The following TMEM178B variants were observed in gnomAD, a reference collection of about 807,000 sequenced individuals.
The protein encoded by TMEM178B is transmembrane protein 178B.
TMEM178B carries 5 observed loss-of-function variants against 31.0 expected under a neutral mutation model. The ratio of observed to expected loss-of-function variants is 0.16; its 90% confidence interval spans 0.08 to 0.34. The LOEUF is 0.34. Ranked by LOEUF, TMEM178B falls within the 10% of genes least tolerant of loss-of-function variation. The pLI is 1.00. For synonymous variants in TMEM178B, 164 were observed against 164.0 expected, an observed-to-expected ratio of 1.00 and a Z score of 0.00; for missense variants, 275 against 400.3, an observed-to-expected ratio of 0.69 and a Z score of 2.67.
intron 2 of TMEM178B, among the ~76,000 whole-genome samples, chr7:141,245,521 T>C (rs528707188): frequency 6.6e-6 from 1 of 152,236 alleles, no homozygotes; most frequent in Non-Finnish European, 1.5e-5. Context: ...AAGTCTCCGA[T>C]AGTCTGTTGA....
intron 1 of TMEM178B, among the ~76,000 whole-genome samples, chr7:141,134,088 A>C (rs1384385179): frequency 6.6e-6 from 1 of 152,100 alleles, no homozygotes. Context: ...TAAAAACATT[A>C]GGTGGACATG....
At chr7:141,367,241 G>A (rs1269260483) in intron 2 of TMEM178B, among the ~76,000 whole-genome samples, 2 of 151,784 alleles carry the variant, frequency 1.3e-5, no homozygotes, top group African/African-American at 2.4e-5. Flanking sequence ...GGGTGGGAAG[G>A]TACTCCATTC....
At chr7:141,105,177 A>T (rs75886032) in intron 1 of TMEM178B, among the ~76,000 whole-genome samples, 13 of 152,166 alleles carry the variant, frequency 8.5e-5, no homozygotes, top group South Asian at 6.2e-4. Context: ...CTGTCATTGT[A>T]TGAGCAAACC....
intron 2 of TMEM178B, among the ~76,000 whole-genome samples, chr7:141,289,368 T>C (rs1798504451): frequency 6.6e-6 from 1 of 152,142 alleles, no homozygotes. Context: ...CTGGCATATA[T>C]TATCATGACC....
intron 2 of TMEM178B, among the ~76,000 whole-genome samples, chr7:141,350,500 A>C (rs1432782257): frequency 1.3e-5 from 2 of 152,188 alleles, no homozygotes; most frequent in Non-Finnish European, 2.9e-5. Flanking sequence ...AACATGAATA[A>C]ATAAATGAAG....
At chr7:141,285,578 G>GCAAT (rs1171300753) in intron 2 of TMEM178B, among the ~76,000 whole-genome samples, 3 of 151,966 alleles carry the variant, frequency 2.0e-5, no homozygotes, top group Non-Finnish European at 4.4e-5. Context: ...ATTTGACCCA[G>GCAAT]CAATCCTATT....
At chr7:141,084,956 G>A (rs1027505990) in intron 1 of TMEM178B, among the ~76,000 whole-genome samples, 12 of 151,570 alleles carry the variant, frequency 7.9e-5, no homozygotes, top group African/African-American at 2.7e-4. Context: ...TCGGCTCATC[G>A]CAACCTCCGC....
intron 2 of TMEM178B, among the ~76,000 whole-genome samples, chr7:141,263,251 C>G (rs1233368579): frequency 6.6e-6 from 1 of 152,166 alleles, no homozygotes; most frequent in African/African-American, 2.4e-5. Flanking sequence ...CTGAGCATTC[C>G]TCTGGCTCCT....
At chr7:141,114,126 A>G (rs998136414) in intron 1 of TMEM178B, among the ~76,000 whole-genome samples, 4 of 152,348 alleles carry the variant, frequency 2.6e-5, no homozygotes, top group Admixed American at 2.6e-4. Flanking sequence ...AAATGTTTGC[A>G]TTGATTCTAT....
chr7:141,177,802 TCCTTCATCC>T (rs1796457994), intron 1 of TMEM178B, among the ~76,000 whole-genome samples: 1 of 152,208 alleles, frequency 6.6e-6, no homozygotes, highest in African/African-American at 2.4e-5. Flanking sequence ...TGGTAAATAT[TCCTTCATCC>T]CATTATTTTG....
chr7:141,466,216 T>C (rs544041853), intron 3 of TMEM178B, among the ~76,000 whole-genome samples: 2 of 152,296 alleles, frequency 1.3e-5, no homozygotes, highest in East Asian at 1.9e-4. Context: ...TATGGGAATA[T>C]TGACAAGAGC....
intron 3 of TMEM178B, among the ~76,000 whole-genome samples, chr7:141,460,709 A>G (rs754917495): frequency 6.6e-6 from 1 of 152,202 alleles, no homozygotes; most frequent in African/African-American, 2.4e-5. Context: ...GTGTATAGAC[A>G]CAGCCTCAGG....
intron 1 of TMEM178B, chr7:141,173,241 A>C (rs1412248091): frequency 6.6e-6 from 1 of 152,236 alleles, no homozygotes; most frequent in African/African-American, 2.4e-5. Flanking sequence ...GGAACTTGAA[A>C]CAGAGGTAAA....
At chr7:141,349,218 A>G (rs995839632) in intron 2 of TMEM178B, among the ~76,000 whole-genome samples, 2 of 152,154 alleles carry the variant, frequency 1.3e-5, no homozygotes, top group Non-Finnish European at 2.9e-5. Flanking sequence ...ATATTTATAT[A>G]GTATTTATTT....
At chr7:141,111,795 G>A (rs1795238253) in intron 1 of TMEM178B, among the ~76,000 whole-genome samples, 2 of 152,170 alleles carry the variant, frequency 1.3e-5, no homozygotes, top group Admixed American at 1.3e-4. Flanking sequence ...TAATCCTGGA[G>A]GAAAAGGAGT....
At chr7:141,093,952 A>G (rs568832770) in intron 1 of TMEM178B, among the ~76,000 whole-genome samples, 1 of 152,204 alleles carries the variant, frequency 6.6e-6, no homozygotes, top group Admixed American at 6.5e-5. Flanking sequence ...TTTTTAAAGG[A>G]GTTTTGGTAT....
At chr7:141,167,596 C>T (rs1796282769) in intron 1 of TMEM178B, among the ~76,000 whole-genome samples, 1 of 152,240 alleles carries the variant, frequency 6.6e-6, no homozygotes, top group African/African-American at 2.4e-5. Flanking sequence ...CCTTTGATCA[C>T]AGCCCATGTC....
At chr7:141,299,711 C>G (rs1798692241) in intron 2 of TMEM178B, among the ~76,000 whole-genome samples, 1 of 152,182 alleles carries the variant, frequency 6.6e-6, no homozygotes, top group Non-Finnish European at 1.5e-5. Context: ...GTCCCTTCTT[C>G]CTAGCCACAT....
At chr7:141,182,511 T>C (rs1586813594) in intron 1 of TMEM178B, among the ~76,000 whole-genome samples, 2 of 152,358 alleles carry the variant, frequency 1.3e-5, no homozygotes, top group Admixed American at 1.3e-4. Context: ...AGTCCAGTTC[T>C]AGGGCACAGT....
Sources: allele counts gnomAD v4.1 joint callset (sites outside exome capture counted in the v4.1 genomes callset), GRCh38; gene constraint gnomAD v4.1.1; transcripts MANE v1.5; gene names NCBI Gene and HGNC (gene_info 2026-07-23, HGNC 2026-07-21).